Variants in LRFN5 observed in about 807,000 individuals in gnomAD.
The protein encoded by LRFN5 is leucine rich repeat and fibronectin type III domain containing 5.
A neutral mutation model predicts 45.6 loss-of-function variants in LRFN5; 24 were observed. The observed-to-expected ratio is 0.53, with a 90% CI of 0.38 to 0.74. LRFN5 has a LOEUF of 0.74. Among genes scored for constraint, LRFN5 ranks in the 30% least tolerant of loss-of-function variants. The probability of loss-of-function intolerance (pLI) is 0.00; values close to 1 mark genes in which losing one functional copy is unlikely to be tolerated. For synonymous variants in LRFN5, 340 were observed against 313.8 expected (o/e 1.08, Z -0.88); for missense variants, 776 against 861.5 (o/e 0.90, Z 1.24).
At chr14:41,805,981 A>G (rs1055978115) in intron 2 of LRFN5, among the ~76,000 whole-genome samples, 2 of 152,138 alleles carry the variant, frequency 1.3e-5, no homozygotes, top group Non-Finnish European at 2.9e-5. Flanking sequence ...AGACCTACAG[A>G]TCTGCAGTTG....
At chr14:41,765,369 A>AC (rs1300344488) in intron 1 of LRFN5, among the ~76,000 whole-genome samples, 1 of 152,020 alleles carries the variant, frequency 6.6e-6, no homozygotes, top group Admixed American at 6.5e-5. Flanking sequence ...AAAAAAAAAA[A>AC]AAAACAGGGC....
At chr14:41,720,003 G>T (rs938861128) in intron 1 of LRFN5, among the ~76,000 whole-genome samples, 9 of 151,916 alleles carry the variant, frequency 5.9e-5, no homozygotes, top group African/African-American at 1.9e-4. Flanking sequence ...GATTCAAGGG[G>T]TACATGTGCA....
chr14:41,761,341 AGAAG>A (rs1299015875), intron 1 of LRFN5, among the ~76,000 whole-genome samples: 1 of 152,052 alleles, frequency 6.6e-6, no homozygotes, highest in East Asian at 1.9e-4. Flanking sequence ...GAAAAAAGAA[AGAAG>A]GGAGAAGGGA....
intron 2 of LRFN5, among the ~76,000 whole-genome samples, chr14:41,794,373 C>G (rs1887043671): frequency 1.3e-5 from 2 of 151,956 alleles, no homozygotes; most frequent in South Asian, 2.1e-4. Flanking sequence ...CTAATTTCTA[C>G]TGTATTTTAA....
chr14:41,705,217 A>G (rs1400765615), intron 1 of LRFN5, among the ~76,000 whole-genome samples: 2 of 152,150 alleles, frequency 1.3e-5, no homozygotes, highest in Admixed American at 1.3e-4. Context: ...AAACAATGTA[A>G]CACACTACTC....
rs918881473 is a variant in LRFN5, at chr14:41,659,949, C to T, written c.-197+51387C>T. Reference sequence around the variant, plus strand: ...TCTTTGTAGGTTCTGGATATTAGTCCTTTGTCAGATAGATAGATTGCAGAA... The same window carrying T: ...TCTTTGTAGGTTCTGGATATTAGTCTTTTGTCAGATAGATAGATTGCAGAA... On this transcript the variant is annotated intron_variant, in intron 1 of 5. Transcript: ENST00000298119. Among the ~76,000 whole-genome samples the T allele has an allele frequency of 3.3e-5, 5 of 150,146 alleles. No homozygotes were observed. The East Asian group carries it at 7.9e-4, about 24-fold the overall frequency.
chr14:41,893,454 T>A (rs1167012158), intron 4 of LRFN5: 1 of 985,054 alleles, frequency 1.0e-6, no homozygotes, highest in East Asian at 1.1e-4. Context: ...ACAAAAGAAA[T>A]GACATTTTAG....
At chr14:41,811,695 G>A (rs1227719249) in intron 2 of LRFN5, among the ~76,000 whole-genome samples, 1 of 152,064 alleles carries the variant, frequency 6.6e-6, no homozygotes, top group Admixed American at 6.6e-5. Context: ...CCATTGGTAT[G>A]AAATGTCCAG....
intron 1 of LRFN5, among the ~76,000 whole-genome samples, chr14:41,765,494 G>A (rs568699639): frequency 6.6e-6 from 1 of 152,060 alleles, no homozygotes; most frequent in Non-Finnish European, 1.5e-5. Context: ...GGTTTTCTCC[G>A]AGGAGGACAT....
At chr14:41,898,870 C>A in intron 4 of LRFN5, 47 bp from the exon 5 acceptor site, 4 of 1,549,816 alleles carry the variant, frequency 2.6e-6, no homozygotes, top group Non-Finnish European at 3.5e-6. Context: ...GAATCTATTT[C>A]TTTTAAAAAA....
At chr14:41,747,353 T>C (rs999444448) in intron 1 of LRFN5, among the ~76,000 whole-genome samples, 6 of 151,938 alleles carry the variant, frequency 3.9e-5, no homozygotes, top group African/African-American at 7.2e-5. Flanking sequence ...ACCTATGAAA[T>C]GGAATACGGC....
chr14:41,800,240 T>A (rs539643634), intron 2 of LRFN5, among the ~76,000 whole-genome samples: 18 of 152,064 alleles, frequency 1.2e-4, no homozygotes, highest in African/African-American at 4.3e-4. Flanking sequence ...GCAGGACTTA[T>A]GTTTGGTTGA....
chr14:41,663,079 A>G (rs945882777), intron 1 of LRFN5, among the ~76,000 whole-genome samples: 13 of 152,142 alleles, frequency 8.5e-5, no homozygotes, highest in Non-Finnish European at 1.9e-4. Flanking sequence ...AACTGTTTAC[A>G]TGCAGTTTAA....
chr14:41,755,032 C>T (rs1488317749), intron 1 of LRFN5, among the ~76,000 whole-genome samples: 1 of 152,148 alleles, frequency 6.6e-6, no homozygotes, highest in East Asian at 1.9e-4. Flanking sequence ...ACCCGGTAGT[C>T]ATTCAGGAGC....
intron 1 of LRFN5, among the ~76,000 whole-genome samples, chr14:41,729,117 C>T (rs148240407): frequency 7.2e-4 from 109 of 152,244 alleles, no homozygotes; most frequent in African/African-American, 2.4e-3. Flanking sequence ...CATTTGTCCT[C>T]TCCAAATCTC....
At chr14:41,755,743 T>C (rs1037646102) in intron 1 of LRFN5, among the ~76,000 whole-genome samples, 1 of 152,244 alleles carries the variant, frequency 6.6e-6, no homozygotes. Context: ...TGTCTTTTAA[T>C]TGGAGCATTT....
chr14:41,777,542 T>C (rs1007865344), intron 2 of LRFN5, among the ~76,000 whole-genome samples: 1 of 151,860 alleles, frequency 6.6e-6, no homozygotes, highest in African/African-American at 2.4e-5. Flanking sequence ...TTAGTAGTTT[T>C]GTTTGTTATT....
At chr14:41,786,769 G>A (rs1886736421) in intron 2 of LRFN5, among the ~76,000 whole-genome samples, 3 of 151,810 alleles carry the variant, frequency 2.0e-5, no homozygotes, top group Admixed American at 2.0e-4. Flanking sequence ...AGTCTCACAG[G>A]ACACTGATGC....
rs748246561 is a variant in LRFN5, at chr14:41,887,892, G to A, written c.1267G>A (p.Val423Met). 3 of 1,614,024 alleles carry A rather than the reference G, an allele frequency of 1.9e-6. No homozygotes were observed. The highest frequency in any genetic ancestry group is 1.7e-6 in the Non-Finnish European group (2 of 1,179,984). ...DTKLSQDKIV[V>M]AEATSSTALL... ...TAAATTGAGTCAAGATAAAATTGTG[G>A]TGGCAGAAGCTACATCATCAACGGC... The change falls in exon 3 of 6, where the codon GTG becomes ATG. Residue 423 changes from valine to methionine, a missense_variant. Val to Met is a conservative substitution (Grantham distance 21). Coordinates refer to ENST00000298119, the MANE Select transcript of LRFN5 (RefSeq NM_152447.5). This position sits in a 1 kb window ranked among gnomAD's most constrained non-coding sequence, Gnocchi z 4.8.
Sources: gnomAD v4.1 joint callset for allele counts (sites outside exome capture counted in the v4.1 genomes callset) on GRCh38, gnomAD v4.1.1 for gene constraint, Gnocchi (gnomAD v3.1) non-coding constraint, MANE v1.5 for transcripts, NCBI Gene and HGNC (gene_info 2026-07-23, HGNC 2026-07-21) for gene names.